The following COL21A1 variants were observed in gnomAD, a reference collection of about 807,000 sequenced individuals.
The protein encoded by COL21A1 is collagen type XXI alpha 1 chain.
In COL21A1, 149 loss-of-function variants were observed where a neutral mutation model predicts 137.9. The ratio of observed to expected loss-of-function variants is 1.08; its 90% CI spans 0.95 to 1.24. COL21A1 has a LOEUF of 1.24. Among genes scored for constraint, COL21A1 ranks in the 50% most tolerant of loss-of-function variants. COL21A1 has a pLI of 0.00. For missense variants in COL21A1, 1,167 were observed against 1,158.4 expected (o/e 1.01, Z -0.11); for synonymous variants, 456 against 391.5 (o/e 1.16, Z -1.95).
chr6:56,246,876 A>ACC (rs11437965), intron 1 of COL21A1, among the ~76,000 whole-genome samples: 11 of 151,802 alleles, frequency 7.2e-5, no homozygotes, highest in Admixed American at 3.3e-4. Flanking sequence ...TCAAAGTCCC[A>ACC]CCCCCAGAGA....
upstream of COL21A1, among the ~76,000 whole-genome samples, chr6:56,250,182 C>A (rs1053141592): frequency 2.0e-5 from 3 of 152,154 alleles, no homozygotes; most frequent in African/African-American, 7.2e-5. Context: ...TTTAAGACAA[C>A]TCCTTTAATT....
chr6:56,060,761 A>G lies in COL21A1; in HGVS notation c.2387T>C (p.Val796Ala). 1 of 1,609,688 alleles carries G rather than the reference A, an allele frequency of 6.2e-7. No homozygotes were observed. Among genetic ancestry groups the G allele is most frequent in the East Asian group, 2.2e-5 (1 of 44,790 alleles). ...REFSEQFIRQVCTDVIRAQLP... is the reference protein window; with the variant it reads ...REFSEQFIRQACTDVIRAQLP... ...CCTACCTCTTATTACATCTGTGCAA[A>G]CTTGTCGAATAAATTGTTCTGAAAA... The change falls in exon 27 of 30, where the codon GTT (valine) becomes GCT (alanine). Residue 796 changes from valine to alanine, a missense_variant. Val to Ala is a moderately conservative substitution (Grantham distance 64, BLOSUM62 0). Transcript: ENST00000244728.
chr6:56,193,921 AC>A (rs1778861206), intron 1 of COL21A1, among the ~76,000 whole-genome samples: 7 of 151,944 alleles, frequency 4.6e-5, no homozygotes, highest in Admixed American at 4.6e-4. Context: ...TGCCCAGTTA[AC>A]TTTTGTATTT....
chr6:56,099,214 C>T (rs1001057124), intron 17 of COL21A1, among the ~76,000 whole-genome samples: 8 of 147,260 alleles, frequency 5.4e-5, no homozygotes, highest in African/African-American at 1.8e-4. Flanking sequence ...AGAACACAGT[C>T]ACAAACTAAA....
intron 1 of COL21A1, among the ~76,000 whole-genome samples, chr6:56,268,886 T>C (rs1407240246): frequency 1.3e-5 from 2 of 152,076 alleles, no homozygotes; most frequent in Admixed American, 1.3e-4. Context: ...AGTAAGATGA[T>C]CCAAGAGCTG....
At chr6:56,316,048 C>T (rs1449447104) in intron 1 of COL21A1, among the ~76,000 whole-genome samples, 2 of 152,154 alleles carry the variant, frequency 1.3e-5, no homozygotes, top group African/African-American at 2.4e-5. Flanking sequence ...ATGCTAATTG[C>T]TATGCCATTG....
chr6:56,070,690 A>C (rs1294910203), intron 21 of COL21A1, 55 bp downstream of exon 21: 1 of 1,159,648 alleles, frequency 8.6e-7, no homozygotes, highest in African/African-American at 1.6e-5. Flanking sequence ...TTAAATAATG[A>C]GGGGAATTTA....
chr6:56,292,564 C>T (rs904933310), intron 1 of COL21A1, among the ~76,000 whole-genome samples: 1 of 152,128 alleles, frequency 6.6e-6, no homozygotes, highest in Non-Finnish European at 1.5e-5. Flanking sequence ...GGAGTATCTC[C>T]CTCTACCAGG....
intron 1 of COL21A1, among the ~76,000 whole-genome samples, chr6:56,330,323 G>T (rs1042542212): frequency 1.3e-5 from 2 of 151,994 alleles, no homozygotes; most frequent in African/African-American, 4.8e-5. Context: ...AACACAGAGA[G>T]AATACATTTT....
At chr6:56,252,073 C>G (rs1782866530), upstream of COL21A1, among the ~76,000 whole-genome samples, 1 of 152,208 alleles carries the variant, frequency 6.6e-6, no homozygotes, top group Admixed American at 6.5e-5. Flanking sequence ...GGCCTTCTTT[C>G]TTCTTTCTCT....
intron 1 of COL21A1, among the ~76,000 whole-genome samples, chr6:56,330,618 T>C (rs1765197663): frequency 1.3e-5 from 2 of 152,050 alleles, no homozygotes; most frequent in Non-Finnish European, 1.5e-5. Flanking sequence ...ATAATAAACA[T>C]TGTACCCAAT....
chr6:56,372,846 C>T (rs2093991916), intron 1 of COL21A1, among the ~76,000 whole-genome samples: 1 of 152,164 alleles, frequency 6.6e-6, no homozygotes, highest in African/African-American at 2.4e-5. Flanking sequence ...GCATCTGGAA[C>T]TCCTCTCTAT....
At chr6:56,336,809 A>C (rs2152344434) in intron 1 of COL21A1, among the ~76,000 whole-genome samples, 1 of 152,344 alleles carries the variant, frequency 6.6e-6, no homozygotes, top group Non-Finnish European at 1.5e-5. Context: ...CTCAACCAAA[A>C]TTTTGGTCAG....
intron 1 of COL21A1, among the ~76,000 whole-genome samples, chr6:56,382,406 TTATGAGA>T (rs2094010140): frequency 6.6e-6 from 1 of 152,194 alleles, no homozygotes; most frequent in Non-Finnish European, 1.5e-5. Context: ...GGAGGTGAAG[TTATGAGA>T]TAGGTTCTCT....
chr6:56,186,681 G>GA (rs1380461303), intron 1 of COL21A1, among the ~76,000 whole-genome samples: 2 of 152,078 alleles, frequency 1.3e-5, no homozygotes, highest in East Asian at 3.9e-4. Flanking sequence ...TCTTTATTGG[G>GA]AAAAAAATAC....
At chr6:56,060,689 A>G in intron 27 of COL21A1, 52 bp downstream of exon 27, 2 of 1,443,024 alleles carry the variant, frequency 1.4e-6, no homozygotes, top group Non-Finnish European at 1.9e-6. Context: ...AAGAATTTGT[A>G]TTACTTTTGT....
At chr6:56,230,820 T>G (rs1781513878) in intron 1 of COL21A1, among the ~76,000 whole-genome samples, 1 of 151,958 alleles carries the variant, frequency 6.6e-6, no homozygotes. Flanking sequence ...CATTTATCAA[T>G]TTAGTTTCAA....
intron 1 of COL21A1, among the ~76,000 whole-genome samples, chr6:56,276,340 C>A (rs1467549785): frequency 6.6e-6 from 1 of 151,946 alleles, no homozygotes; most frequent in Non-Finnish European, 1.5e-5. Flanking sequence ...TTCAATATAC[C>A]CCTGCAACAA....
At chr6:56,318,145 TC>T (rs1205924496) in intron 1 of COL21A1, among the ~76,000 whole-genome samples, 2 of 152,180 alleles carry the variant, frequency 1.3e-5, no homozygotes, top group African/African-American at 2.4e-5. Flanking sequence ...TTAATTATTT[TC>T]ATCACAAAAA....
Sources: gnomAD v4.1 joint callset for allele counts (sites outside exome capture counted in the v4.1 genomes callset) on GRCh38, gnomAD v4.1.1 for gene constraint, MANE v1.5 for transcripts, NCBI Gene and HGNC (gene_info 2026-07-23, HGNC 2026-07-21) for gene names.